The following LRBA variants were observed in gnomAD, a reference collection of about 807,000 sequenced individuals.
LRBA encodes lipopolysaccharide-responsive and beige-like anchor protein.
Under a neutral mutation model 330.0 loss-of-function variants are expected in LRBA, and 176 were observed. That is an observed-to-expected ratio of 0.53 (90% confidence interval 0.47 to 0.60). The LOEUF (loss-of-function observed/expected upper bound fraction) is 0.60. LRBA is among the 20% of genes least tolerant of loss of function. The pLI is 0.00. For synonymous variants in LRBA, 1,230 were observed against 1,193.0 expected, an observed-to-expected ratio of 1.03 and a Z score of -0.64; for missense variants, 3,259 against 3,444.8, an observed-to-expected ratio of 0.95 and a Z score of 1.35.
chr4:150,453,477 T>G (rs1000274270), intron 44 of LRBA, among the ~76,000 whole-genome samples: 3 of 152,168 alleles, frequency 2.0e-5, no homozygotes, highest in Non-Finnish European at 2.9e-5. Context: ...AAAATGAACC[T>G]TAACTCTTAC....
In LRBA at chr4:150,591,853, AC is replaced by A. The variant is rs537899662; in HGVS notation, c.6047-995del. 3.0e-3 allele frequency among the ~76,000 whole-genome samples: 463 copies of A among 152,006 alleles called. 2 individuals are homozygous for A. The highest frequency in any genetic ancestry group is 4.7e-3 in the Non-Finnish European group (317 of 67,990). The stretch of plus-strand genomic sequence containing the variant: ...GCAAAGACGCAAATGAAAGTGGAAA[AC>A]CCTGAAATTCAAAACTCTGATTCAA... On this transcript the variant is annotated intron_variant, in intron 38 of 56. Coordinates refer to ENST00000651943, the MANE Select transcript of LRBA (RefSeq NM_001364905.1).
chr4:150,342,088 T>A (rs1415645511), intron 48 of LRBA, among the ~76,000 whole-genome samples: 1 of 152,088 alleles, frequency 6.6e-6, no homozygotes, highest in Non-Finnish European at 1.5e-5. Flanking sequence ...AAATAGTTAT[T>A]CTTACTCATA....
At chr4:151,003,042 T>TTG (rs1480413708) in intron 2 of LRBA, among the ~76,000 whole-genome samples, 1 of 72,114 alleles carries the variant, frequency 1.4e-5, no homozygotes, top group African/African-American at 3.7e-5. Context: ...GTGTATGTGT[T>TTG]TGCGTGTGTG....
intron 17 of LRBA, among the ~76,000 whole-genome samples, chr4:150,887,764 G>A (rs1308381292): frequency 3.9e-4 from 29 of 75,130 alleles, no homozygotes; most frequent in Admixed American, 3.4e-3. Flanking sequence ...GCACGACTCC[G>A]TCTCAAAAAA....
At chr4:150,749,023 C>T (rs1382846926) in intron 35 of LRBA, among the ~76,000 whole-genome samples, 10 of 152,172 alleles carry the variant, frequency 6.6e-5, no homozygotes, top group African/African-American at 2.2e-4. Flanking sequence ...AAATAAATTG[C>T]TATTATTTAT....
chr4:150,487,668 C>CAGATTAA, intron 42 of LRBA, 64 bp downstream of exon 42: 1 of 832,558 alleles, frequency 1.2e-6, no homozygotes. Flanking sequence ...AATATTAATA[C>CAGATTAA]TGGTTAATTA....
chr4:150,457,207 C>T (rs1053085611), intron 44 of LRBA, among the ~76,000 whole-genome samples: 2 of 152,054 alleles, frequency 1.3e-5, no homozygotes, highest in African/African-American at 4.8e-5. Flanking sequence ...TGGATTCACA[C>T]TTTTTAAAAA....
rs375534683 is a variant in LRBA, at chr4:150,611,894, G to GCT, written c.5922-12765_5922-12764dup. On this transcript the variant is annotated intron_variant, in intron 37 of 56. Coordinates refer to ENST00000651943, the MANE Select transcript of LRBA (RefSeq NM_001364905.1). The stretch of plus-strand genomic sequence containing the variant: ...GCATACAGAACCTTTATTTCTACGC[G>GCT]CTCTCTCTCTCTCTTTCTCTCTCTC... 4.8e-4 allele frequency among the ~76,000 whole-genome samples: 73 copies of GCT among 151,490 alleles called. 1 individual carries two copies. The highest frequency in any genetic ancestry group is 6.3e-4 in the South Asian group (3 of 4,788).
chr4:150,620,161 A>G (rs894427569), intron 37 of LRBA, among the ~76,000 whole-genome samples: 2 of 152,086 alleles, frequency 1.3e-5, no homozygotes, highest in Non-Finnish European at 2.9e-5. Context: ...TAAAAAAAAC[A>G]TTTCTCAAAA....
intron 9 of LRBA, among the ~76,000 whole-genome samples, chr4:150,913,246 T>C (rs1042970657): frequency 1.3e-5 from 2 of 152,182 alleles, no homozygotes; most frequent in Non-Finnish European, 2.9e-5. Context: ...GGCGGGCGGA[T>C]CACCTGAGGT....
intron 29 of LRBA, 63 bp from the exon 30 acceptor site, chr4:150,828,684 G>C (rs1000120381): frequency 7.2e-7 from 1 of 1,396,098 alleles, no homozygotes; most frequent in African/African-American, 1.4e-5. Flanking sequence ...TTTTTAAAAG[G>C]TATATTCTGT....
chr4:150,435,657 C>A lies in LRBA; in HGVS notation c.6973G>T (p.Ala2325Ser), dbSNP rs61742065. ...LNLQGGKFDH[A>S]DRTFSSISRA... ...GAAATTGATGAAAAAGTTCGATCTG[C>A]ATGATCAAATTTGCCTCCTTGCAAA... Residue 2325 changes from alanine to serine, a missense_variant, in exon 46 of 57, where the codon GCA becomes TCA. By Grantham distance (99) the Ala-to-Ser change is moderately conservative. Transcript: ENST00000651943. 1.6e-5 allele frequency: 26 copies of A among 1,612,426 alleles called. No homozygotes were observed. In the African/African-American group the frequency reaches 3.5e-4, roughly 22 times the overall value.
chr4:150,642,057 T>C (rs1166447929), intron 37 of LRBA, among the ~76,000 whole-genome samples: 1 of 152,022 alleles, frequency 6.6e-6, no homozygotes, highest in Non-Finnish European at 1.5e-5. Flanking sequence ...ATACAATTAA[T>C]ACAGTATTCT....
At chr4:150,903,466 G>C (rs916756168) in intron 13 of LRBA, among the ~76,000 whole-genome samples, 5 of 152,100 alleles carry the variant, frequency 3.3e-5, no homozygotes, top group Admixed American at 3.3e-4. Flanking sequence ...GGCTGGGCCT[G>C]ATGGCTCACA....
At chr4:150,565,351 G>A (rs934624888) in intron 40 of LRBA, among the ~76,000 whole-genome samples, 5 of 152,088 alleles carry the variant, frequency 3.3e-5, no homozygotes, top group African/African-American at 1.2e-4. Context: ...TGGGCCATGG[G>A]GGGAAGGGGA....
chr4:150,905,029 T>G (rs1052857113), intron 13 of LRBA, among the ~76,000 whole-genome samples: 3 of 152,188 alleles, frequency 2.0e-5, no homozygotes, highest in Non-Finnish European at 2.9e-5. Context: ...GATACAATTA[T>G]GCAATTTAAT....
At chr4:150,943,344 C>A (rs1253960943) in intron 2 of LRBA, among the ~76,000 whole-genome samples, 2 of 152,194 alleles carry the variant, frequency 1.3e-5, no homozygotes, top group African/African-American at 2.4e-5. Context: ...TGGACTTGAA[C>A]TTCTGTGCTC....
intron 46 of LRBA, among the ~76,000 whole-genome samples, chr4:150,432,056 T>C (rs1750455703): frequency 6.6e-6 from 1 of 152,136 alleles, no homozygotes; most frequent in Non-Finnish European, 1.5e-5. Context: ...TTTTAAGATA[T>C]TCAAGTAACA....
intron 37 of LRBA, among the ~76,000 whole-genome samples, chr4:150,647,011 C>T (rs561207838): frequency 1.9e-4 from 29 of 152,106 alleles, no homozygotes; most frequent in Middle Eastern, 3.4e-3. Context: ...ATTAACAGAA[C>T]GAAGAACATG....
Sources: gnomAD v4.1 joint callset for allele counts (sites outside exome capture counted in the v4.1 genomes callset) on GRCh38, gnomAD v4.1.1 for gene constraint, MANE v1.5 for transcripts, NCBI Gene and HGNC (gene_info 2026-07-23, HGNC 2026-07-21) for gene names.